KLRG2: variants seen among roughly 807,000 people sequenced by gnomAD.
The protein encoded by KLRG2 is killer cell lectin-like receptor subfamily G member 2.
A neutral mutation model predicts 35.4 loss-of-function variants in KLRG2; 39 were observed. That is an observed-to-expected ratio of 1.10 (90% confidence interval 0.85 to 1.44). KLRG2 has a LOEUF of 1.44. KLRG2 is among the 40% of genes most tolerant of loss of function. The pLI is 0.00. For synonymous variants in KLRG2, 283 were observed against 265.8 expected (o/e 1.06, Z -0.63); for missense variants, 632 against 570.9 (o/e 1.11, Z -1.09).
chr7:139,462,976 C>T (rs1796591833), intron 3 of KLRG2, among the ~76,000 whole-genome samples: 2 of 152,188 alleles, frequency 1.3e-5, no homozygotes, highest in Non-Finnish European at 2.9e-5. Flanking sequence ...CCTCCGCTCC[C>T]CTACCCTATA....
intron 3 of KLRG2, among the ~76,000 whole-genome samples, chr7:139,478,127 G>C (rs180718744): frequency 1.1e-3 from 170 of 151,288 alleles, no homozygotes; most frequent in Non-Finnish European, 2.2e-3. Flanking sequence ...CCAGCACTTT[G>C]AGAGGCCGAA....
the KLRG2 span, among the ~76,000 whole-genome samples, chr7:139,443,559 G>A: frequency 1.3e-5 from 2 of 150,350 alleles, no homozygotes; most frequent in Non-Finnish European, 3.0e-5. Flanking sequence ...GTGTAGATGA[G>A]AGGGAGTTTG....
rs774780804 is a variant in KLRG2 at position 139,483,668 on chromosome 7, G to C, written c.-26C>G. ...CCCGCGCGCCCCGCCACCCGGAGAC[G>C]CTGAGGAGCGCACCTGGGCCCAGTG... On this transcript the variant is annotated 5_prime_UTR_variant, in exon 1 of 5. Transcript: ENST00000340940. 1.8e-5 allele frequency: 26 copies of C among 1,467,682 alleles called. No individual in the cohort carries two copies. The highest frequency in any genetic ancestry group is 1.5e-5 in the African/African-American group (1 of 68,766). The allele number at this position is 1,467,682 out of a possible 1,614,324, so 90.9% of individuals were successfully genotyped here.
At chr7:139,450,508 C>A (rs1196070107), downstream of KLRG2, among the ~76,000 whole-genome samples, 5 of 152,206 alleles carry the variant, frequency 3.3e-5, no homozygotes, top group African/African-American at 9.7e-5. Flanking sequence ...CAGGGGTGAG[C>A]CACTGCGCCT....
At chr7:139,431,768 G>A in the KLRG2 span, among the ~76,000 whole-genome samples, 1 of 152,144 alleles carries the variant, frequency 6.6e-6, no homozygotes, top group Non-Finnish European at 1.5e-5. Flanking sequence ...CCAACCTACT[G>A]TGTAGCTCTT....
Position 139,453,164 on chromosome 7 carries a change from T to C in KLRG2, c.*423A>G. ...GAATTCACAGCAATGACGTTATCCC[T>C]GCCAAGTCCCACTGCCACTGAACAA... On this transcript the variant is annotated 3_prime_UTR_variant, in exon 5 of 5. Transcript: ENST00000340940. 3.4e-6 allele frequency: 1 copy of C among 296,670 alleles called. No homozygotes were observed. The allele number at this position is 296,670 out of a possible 1,614,324, so 18.4% of individuals were successfully genotyped here.
chr7:139,480,748 T>C (rs1265819794), intron 1 of KLRG2, among the ~76,000 whole-genome samples: 1 of 111,302 alleles, frequency 9.0e-6, no homozygotes, highest in African/African-American at 4.8e-5. Flanking sequence ...TCTGGCCCTT[T>C]TTTTTTTTTT....
the KLRG2 span, among the ~76,000 whole-genome samples, chr7:139,446,335 GGTTTTT>G: frequency 7.8e-6 from 1 of 127,954 alleles, no homozygotes; most frequent in African/African-American, 3.0e-5. Context: ...CATTTTCCAG[GGTTTTT>G]TTTTTTTTTT....
At chr7:139,452,584 G>T (rs1397290037), downstream of KLRG2, 4 of 152,224 alleles carry the variant, frequency 2.6e-5, no homozygotes, top group African/African-American at 9.6e-5. Context: ...TGCATGGTCT[G>T]ACTTTTGAGG....
the KLRG2 span, among the ~76,000 whole-genome samples, chr7:139,435,874 G>A: frequency 1.3e-4 from 20 of 151,408 alleles, no homozygotes; most frequent in Non-Finnish European, 2.2e-4. Flanking sequence ...TTTTGGTGAA[G>A]TGTCTATTCA....
At chr7:139,479,937 C>T (rs1226154952) in intron 2 of KLRG2, among the ~76,000 whole-genome samples, 165 bp from the exon 3 acceptor site, 1 of 152,226 alleles carries the variant, frequency 6.6e-6, no homozygotes, top group African/African-American at 2.4e-5. Context: ...CCCGGGGTGG[C>T]AGCTGGCATC....
chr7:139,454,363 A>G, intron 3 of KLRG2, 149 bp from the exon 4 acceptor site: 1 of 628,066 alleles, frequency 1.6e-6, no homozygotes. Context: ...AAAAACCTTG[A>G]AAGCTGGATT....
the KLRG2 span, among the ~76,000 whole-genome samples, chr7:139,433,968 C>T: frequency 9.9e-4 from 150 of 152,184 alleles, no homozygotes; most frequent in African/African-American, 3.5e-3. Flanking sequence ...GTTTTTTAAC[C>T]TCACAGGCGA....
chr7:139,458,040 A>G (rs1443450867), intron 3 of KLRG2, among the ~76,000 whole-genome samples: 1 of 152,130 alleles, frequency 6.6e-6, no homozygotes, highest in Non-Finnish European at 1.5e-5. Flanking sequence ...ATTATAGAAA[A>G]TTGTTTCCTA....
chr7:139,465,525 T>C (rs1229916270), intron 3 of KLRG2, among the ~76,000 whole-genome samples: 1 of 152,012 alleles, frequency 6.6e-6, no homozygotes, highest in Non-Finnish European at 1.5e-5. Flanking sequence ...ACCCCGTCTC[T>C]ACTAAAAATA....
At chr7:139,449,762 C>T (rs193121766), downstream of KLRG2, among the ~76,000 whole-genome samples, 8 of 137,092 alleles carry the variant, frequency 5.8e-5, no homozygotes, top group East Asian at 6.9e-4. Flanking sequence ...TGCAGTGGCA[C>T]GATCTTGGCT....
chr7:139,468,291 CTCTG>C (rs200109628), intron 3 of KLRG2, among the ~76,000 whole-genome samples: 1,916 of 152,276 alleles, frequency 0.013, 40 homozygotes, highest in African/African-American at 0.044. Flanking sequence ...TATACTTTGT[CTCTG>C]TGTCTTTTTC....
chr7:139,480,395 G>T (rs142779600), intron 1 of KLRG2, 148 bp from the exon 2 acceptor site: 22 of 421,224 alleles, frequency 5.2e-5, no homozygotes, highest in East Asian at 1.4e-4. Context: ...AAACCACAAC[G>T]TTTAAGTTCC....
intron 3 of KLRG2, among the ~76,000 whole-genome samples, chr7:139,457,578 A>G (rs1355792670): frequency 6.6e-6 from 1 of 152,146 alleles, no homozygotes; most frequent in Non-Finnish European, 1.5e-5. Context: ...CGCGTCTGAC[A>G]TGTGATGGGC....
Sources: gnomAD v4.1 joint callset for allele counts (sites outside exome capture counted in the v4.1 genomes callset) on GRCh38, gnomAD v4.1.1 for gene constraint, MANE v1.5 for transcripts, NCBI Gene and HGNC (gene_info 2026-07-23, HGNC 2026-07-21) for gene names.